The following PCGF3 variants were observed in gnomAD, a reference collection of about 807,000 sequenced individuals.
PCGF3 encodes the protein polycomb group ring finger 3, also known as polycomb group RING finger protein 3.
PCGF3 carries 7 observed loss-of-function variants against 33.1 expected under a neutral mutation model. That is an observed-to-expected ratio of 0.21 (90% confidence interval 0.12 to 0.40). The LOEUF (loss-of-function observed/expected upper bound fraction) is 0.40, where lower values mean the gene tolerates loss of function less well. Ranked by LOEUF, PCGF3 falls within the 10% of genes least tolerant of loss-of-function variation. PCGF3 has a pLI of 1.00. For synonymous variants in PCGF3, 153 were observed against 121.3 expected, an observed-to-expected ratio of 1.26 and a Z score of -1.72; for missense variants, 211 against 313.3, an observed-to-expected ratio of 0.67 and a Z score of 2.46.
chr4:742,689 C>T (rs1294578958), intron 6 of PCGF3, among the ~76,000 whole-genome samples: 1 of 152,212 alleles, frequency 6.6e-6, no homozygotes, highest in East Asian at 1.9e-4. Context: ...GTCAGGCCTC[C>T]TCTGGTCCGG....
intron 4 of PCGF3, chr4:733,993 G>A: frequency 1.3e-6 from 2 of 1,551,186 alleles, no homozygotes; most frequent in Non-Finnish European, 1.7e-6. Context: ...CAGAGCAGAT[G>A]AGGCCTCGCT....
intron 6 of PCGF3, among the ~76,000 whole-genome samples, chr4:740,860 A>G (rs1348733639): frequency 2.0e-5 from 3 of 152,158 alleles, no homozygotes; most frequent in Non-Finnish European, 4.4e-5. Flanking sequence ...GTGTGCCAGG[A>G]GTGTGCTGCC....
intron 8 of PCGF3, among the ~76,000 whole-genome samples, chr4:752,015 C>G (rs11734362): frequency 2.4e-3 from 365 of 152,368 alleles, no homozygotes; most frequent in Admixed American, 3.4e-3. Context: ...AAAAGCGTGT[C>G]GGGTTTATTT....
At chr4:718,957 C>T (rs370678899) in intron 1 of PCGF3, among the ~76,000 whole-genome samples, 1 of 151,600 alleles carries the variant, frequency 6.6e-6, no homozygotes, top group African/African-American at 2.4e-5. Flanking sequence ...TTTCTTTTTT[C>T]TTTTTTTAAT....
chr4:718,396 CTG>C (rs768581138), intron 1 of PCGF3, among the ~76,000 whole-genome samples: 1 of 152,188 alleles, frequency 6.6e-6, no homozygotes, highest in Non-Finnish European at 1.5e-5. Flanking sequence ...GAGCTACACT[CTG>C]AGGCTGGTAG....
chr4:731,028 C>A, exon 3 of PCGF3: 1 of 398,610 alleles, frequency 2.5e-6, no homozygotes, highest in Non-Finnish European at 4.4e-6. Context: ...GCGTGCGGAG[C>A]CAGGAGGCAG....
intron 10 of PCGF3, among the ~76,000 whole-genome samples, chr4:765,416 G>A (rs891792037): frequency 7.1e-6 from 1 of 140,406 alleles, no homozygotes; most frequent in African/African-American, 2.8e-5. Context: ...CTAGGCGACA[G>A]AGGGAGACTC....
At chr4:749,404 T>G (rs529298300) in intron 8 of PCGF3, among the ~76,000 whole-genome samples, 1 of 150,748 alleles carries the variant, frequency 6.6e-6, no homozygotes, top group Non-Finnish European at 1.5e-5. Context: ...CCTCGGGTGA[T>G]CCACCCACCT....
rs1009859519 is a variant in PCGF3 at position 766,021 on chromosome 4, G to C, written c.682-11G>C. Reference sequence around the variant, plus strand: ...TGCTAAGCAGGCACTGTGCGTTCTTGTGTCTTCCAGAAGGCGCCGCTCCTG... The same window carrying C: ...TGCTAAGCAGGCACTGTGCGTTCTTCTGTCTTCCAGAAGGCGCCGCTCCTG... On this transcript the variant is annotated splice_polypyrimidine_tract_variant and intron_variant, in intron 10 of 10. Coordinates refer to ENST00000362003, the Ensembl canonical transcript of PCGF3. 1 of 1,613,864 alleles carries C rather than the reference G, an allele frequency of 6.2e-7. No homozygotes were observed. Among genetic ancestry groups the C allele is most frequent in the Non-Finnish European group, 8.5e-7 (1 of 1,179,794 alleles).
intron 6 of PCGF3, among the ~76,000 whole-genome samples, chr4:739,299 C>T (rs567725356): frequency 2.6e-5 from 4 of 152,286 alleles, no homozygotes; most frequent in African/African-American, 9.6e-5. Flanking sequence ...CTCCCGGGCT[C>T]CAGTGATTCT....
intron 9 of PCGF3, among the ~76,000 whole-genome samples, chr4:763,209 G>C (rs899920228): frequency 6.6e-6 from 1 of 152,194 alleles, no homozygotes; most frequent in African/African-American, 2.4e-5. Flanking sequence ...TTGCTTTTCT[G>C]TGTAGCGAAA....
chr4:754,919 G>T (rs1744701234), intron 8 of PCGF3, among the ~76,000 whole-genome samples: 1 of 152,226 alleles, frequency 6.6e-6, no homozygotes, highest in African/African-American at 2.4e-5. Context: ...GGAGCCTGCA[G>T]GATTCGCTGG....
intron 9 of PCGF3, chr4:764,765 C>T: frequency 1.9e-6 from 1 of 527,444 alleles, no homozygotes; most frequent in Non-Finnish European, 3.4e-6. Flanking sequence ...TTATATGTTG[C>T]ACTGGATTTC....
chr4:736,427 A>G (rs1743822853), intron 5 of PCGF3, among the ~76,000 whole-genome samples: 1 of 152,120 alleles, frequency 6.6e-6, no homozygotes, highest in Non-Finnish European at 1.5e-5. Flanking sequence ...AGACCAGGAG[A>G]CCCCAGGAAG....
chr4:716,259 C>T (rs370063455), intron 1 of PCGF3, among the ~76,000 whole-genome samples: 1,203 of 102,244 alleles, frequency 0.012, 12 homozygotes, highest in Non-Finnish European at 0.019. Context: ...GAGAACTGGG[C>T]GTCGGTGCTG....
intron 1 of PCGF3, among the ~76,000 whole-genome samples, chr4:712,245 A>T (rs73219300): frequency 0.03 from 4,553 of 152,340 alleles, 132 homozygotes; most frequent in South Asian, 0.087. Context: ...GAACTGAATT[A>T]TGCAAATGCC....
intron 1 of PCGF3, among the ~76,000 whole-genome samples, chr4:719,934 T>C (rs1743006343): frequency 6.6e-6 from 1 of 151,778 alleles, no homozygotes; most frequent in Non-Finnish European, 1.5e-5. Flanking sequence ...GGAACGAGAG[T>C]CCATTGGGAT....
At chr4:734,636 C>T (rs893067962) in intron 4 of PCGF3, 83 of 1,254,846 alleles carry the variant, frequency 6.6e-5, no homozygotes, top group Non-Finnish European at 7.4e-5. Context: ...GTTCTGATGA[C>T]CCACAGCTCT....
At chr4:723,232 A>C (rs1743192191) in intron 1 of PCGF3, among the ~76,000 whole-genome samples, 2 of 152,176 alleles carry the variant, frequency 1.3e-5, no homozygotes, top group African/African-American at 4.8e-5. Context: ...TTCCCTGCGC[A>C]TTTCTGAAGG....
Sources: gnomAD v4.1 joint callset for allele counts (sites outside exome capture counted in the v4.1 genomes callset) on GRCh38, gnomAD v4.1.1 for gene constraint, MANE v1.5 for transcripts, NCBI Gene and HGNC (gene_info 2026-07-23, HGNC 2026-07-21) for gene names.